Variants in AXDND1 observed in about 807,000 individuals in gnomAD.
The protein encoded by AXDND1 is axonemal dynein light chain domain-containing protein 1.
A neutral mutation model predicts 137.5 loss-of-function variants in AXDND1; 110 were observed. The ratio of observed to expected loss-of-function variants is 0.80; its 90% CI spans 0.69 to 0.94. AXDND1 has a LOEUF of 0.94. Ranked by LOEUF, AXDND1 falls within the 40% of genes least tolerant of loss-of-function variation. The probability of loss-of-function intolerance (pLI) is 0.00; values close to 1 mark genes in which losing one functional copy is unlikely to be tolerated. For missense variants in AXDND1, 1,191 were observed against 1,169.8 expected, an observed-to-expected ratio of 1.02 and a Z score of -0.26; for synonymous variants, 414 against 399.7, an observed-to-expected ratio of 1.04 and a Z score of -0.43.
At chr1:179,485,159 C>T (rs1432421857) in intron 18 of AXDND1, among the ~76,000 whole-genome samples, 1 of 152,248 alleles carries the variant, frequency 6.6e-6, no homozygotes, top group African/African-American at 2.4e-5. Context: ...CATCCCTGCC[C>T]TCATTAGTGC....
intron 21 of AXDND1, among the ~76,000 whole-genome samples, chr1:179,513,099 T>C (rs1669207185): frequency 6.6e-6 from 1 of 152,174 alleles, no homozygotes; most frequent in Non-Finnish European, 1.5e-5. Context: ...AGTTCTATGT[T>C]GAAGAGGAGT....
At chr1:179,376,623 A>G (rs4436350) in intron 4 of AXDND1, among the ~76,000 whole-genome samples, 132,520 of 152,076 alleles carry the variant, frequency 0.87, 57,812 homozygotes, top group East Asian at 0.9. Context: ...TGCTTCCCGA[A>G]GTTTTCCCTG....
At chr1:179,449,243 T>A (rs762482106) in intron 16 of AXDND1, 3 of 399,670 alleles carry the variant, frequency 7.5e-6, no homozygotes, top group South Asian at 5.4e-5. Context: ...CTTTTGCATG[T>A]GGATGTTCAG....
At chr1:179,375,769 C>T (rs1283596079) in intron 4 of AXDND1, among the ~76,000 whole-genome samples, 1 of 152,134 alleles carries the variant, frequency 6.6e-6, no homozygotes, top group Admixed American at 6.6e-5. Context: ...CTATGTAAAA[C>T]CTCTAAGAGG....
At chr1:179,385,386 G>C in intron 9 of AXDND1, 27 bp downstream of exon 9, 1 of 1,612,522 alleles carries the variant, frequency 6.2e-7, no homozygotes, top group South Asian at 1.1e-5. Flanking sequence ...GAATGGTCCA[G>C]TTTCCTTTTG....
chr1:179,478,967 G>T (rs1014729264), intron 17 of AXDND1, among the ~76,000 whole-genome samples: 19 of 152,018 alleles, frequency 1.2e-4, no homozygotes, highest in African/African-American at 4.1e-4. Context: ...GGGTGTGGTG[G>T]CACATGCCTG....
intron 4 of AXDND1, among the ~76,000 whole-genome samples, chr1:179,373,545 C>T (rs1281343764): frequency 1.3e-5 from 2 of 152,130 alleles, no homozygotes; most frequent in Non-Finnish European, 2.9e-5. Context: ...AAGAACAAAG[C>T]TGGAGGCATC....
intron 18 of AXDND1, among the ~76,000 whole-genome samples, chr1:179,488,264 A>G (rs1432139638): frequency 6.7e-6 from 1 of 148,520 alleles, no homozygotes; most frequent in Non-Finnish European, 1.5e-5. Flanking sequence ...TTAAAAGGTG[A>G]GCTGTGTTTC....
intron 16 of AXDND1, among the ~76,000 whole-genome samples, chr1:179,466,753 G>C (rs1224857244): frequency 6.6e-6 from 1 of 152,056 alleles, no homozygotes; most frequent in Non-Finnish European, 1.5e-5. Flanking sequence ...ATTGAATGTT[G>C]GACATTGTGT....
At chr1:179,514,696 T>C (rs541561062) in intron 21 of AXDND1, among the ~76,000 whole-genome samples, 1 of 152,328 alleles carries the variant, frequency 6.6e-6, no homozygotes, top group East Asian at 1.9e-4. Flanking sequence ...TATTGCTGTC[T>C]ATCTCATTTC....
intron 6 of AXDND1, among the ~76,000 whole-genome samples, chr1:179,381,841 C>T (rs1187820874): frequency 2.0e-5 from 3 of 150,794 alleles, no homozygotes; most frequent in East Asian, 4.0e-4. Context: ...AGTGCAGTGG[C>T]GTGATCTTGG....
chr1:179,422,646 G>T (rs1655937186), intron 12 of AXDND1, among the ~76,000 whole-genome samples: 1 of 152,174 alleles, frequency 6.6e-6, no homozygotes, highest in Non-Finnish European at 1.5e-5. Context: ...TGTCAGTTAG[G>T]CCTATTAGGT....
chr1:179,508,156 A>G (rs1470379776), intron 20 of AXDND1, among the ~76,000 whole-genome samples: 11 of 152,110 alleles, frequency 7.2e-5, no homozygotes. Flanking sequence ...CAGGAGTACA[A>G]GCCCAGCCTG....
chr1:179,521,828 G>A (rs796737363), intron 21 of AXDND1, among the ~76,000 whole-genome samples: 8 of 144,282 alleles, frequency 5.5e-5, no homozygotes, highest in African/African-American at 1.5e-4. Context: ...TCAGCACATC[G>A]TTATTATTTT....
At chr1:179,414,676 C>T (rs12410988) in intron 12 of AXDND1, among the ~76,000 whole-genome samples, 44,561 of 151,812 alleles carry the variant, frequency 0.29, 6,736 homozygotes, top group Non-Finnish European at 0.31. Context: ...CCGCCCACCT[C>T]AGCCTGCCAA....
At chr1:179,489,474 G>T (rs190618473) in intron 18 of AXDND1, among the ~76,000 whole-genome samples, 1 of 152,274 alleles carries the variant, frequency 6.6e-6, no homozygotes, top group East Asian at 1.9e-4. Flanking sequence ...TAGGCCATTG[G>T]TATATGAAAG....
At chr1:179,448,439 A>AT in intron 16 of AXDND1, 1 of 541,608 alleles carries the variant, frequency 1.8e-6, no homozygotes, top group South Asian at 2.1e-5. Flanking sequence ...CTTCTGCACC[A>AT]TTTTCAGCCA....
chr1:179,492,877 G>T lies in AXDND1; in HGVS notation c.2314G>T (p.Ala772Ser), dbSNP rs748629545. The change falls in exon 20 of 26, where the codon GCA becomes TCA. Residue 772 changes from alanine (A) to serine (S), a missense_variant. By Grantham distance (99) the Ala-to-Ser change is moderately conservative (BLOSUM62 1). Transcript: ENST00000367618. ...CAGTTGTTGCAAAGGGATGGTAACA[G>T]CAATGGCTCTGAGTAAATCCACTAA... Reference protein sequence around the residue: ...LSSCCKGMVTAMALSKSTNSH... With the variant: ...LSSCCKGMVTSMALSKSTNSH... 2 of 1,607,290 alleles carry T rather than the reference G, an allele frequency of 1.2e-6. No individual in the cohort carries two copies. Among genetic ancestry groups the T allele is most frequent in the Admixed American group, 3.4e-5 (2 of 58,190 alleles).
intron 25 of AXDND1, among the ~76,000 whole-genome samples, chr1:179,547,273 A>G (rs1672738154): frequency 6.6e-6 from 1 of 152,190 alleles, no homozygotes. Context: ...CTGTAGCTAT[A>G]TTGATATGAA....
Sources: allele counts gnomAD v4.1 joint callset (sites outside exome capture counted in the v4.1 genomes callset), GRCh38; gene constraint gnomAD v4.1.1; transcripts MANE v1.5; gene names NCBI Gene and HGNC (gene_info 2026-07-23, HGNC 2026-07-21).